Variants in KCNIP4 observed in about 807,000 individuals in gnomAD.
The protein encoded by KCNIP4 is Kv channel-interacting protein 4.
Under a neutral mutation model 34.0 loss-of-function variants are expected in KCNIP4, and 12 were observed. The ratio of observed to expected loss-of-function variants is 0.35; its 90% CI spans 0.23 to 0.57. The LOEUF (loss-of-function observed/expected upper bound fraction) is 0.57, where lower values mean the gene tolerates loss of function less well. KCNIP4 is among the 20% of genes least tolerant of loss of function. The probability of loss-of-function intolerance (pLI) is 0.83; values close to 1 mark genes in which losing one functional copy is unlikely to be tolerated. For synonymous variants in KCNIP4, 124 were observed against 102.2 expected, an observed-to-expected ratio of 1.21 and a Z score of -1.29; for missense variants, 238 against 311.7, an observed-to-expected ratio of 0.76 and a Z score of 1.78.
At chr4:20,767,722 A>G (rs564403238) in intron 3 of KCNIP4, among the ~76,000 whole-genome samples, 44 of 152,264 alleles carry the variant, frequency 2.9e-4, no homozygotes, top group African/African-American at 6.5e-4. Flanking sequence ...CCCCTAAATC[A>G]TTCTGTTCTG....
At chr4:20,791,386 TAAATA>T (rs1343222584) in intron 3 of KCNIP4, among the ~76,000 whole-genome samples, 1 of 152,130 alleles carries the variant, frequency 6.6e-6, no homozygotes, top group Non-Finnish European at 1.5e-5. Flanking sequence ...ATCACATGAG[TAAATA>T]AAATATTTGT....
At chr4:20,916,937 T>G in intron 1 of KCNIP4, among the ~76,000 whole-genome samples, 1 of 142,922 alleles carries the variant, frequency 7.0e-6, no homozygotes, top group East Asian at 2.1e-4. Flanking sequence ...TCCTTTCCCT[T>G]TCATATTTTT....
intron 1 of KCNIP4, among the ~76,000 whole-genome samples, chr4:21,802,652 A>G (rs1344946720): frequency 6.6e-6 from 1 of 152,210 alleles, no homozygotes; most frequent in Non-Finnish European, 1.5e-5. Flanking sequence ...TTCAGCTTCT[A>G]GCAACAGACA....
At chr4:21,070,261 T>A (rs530879132) in intron 1 of KCNIP4, among the ~76,000 whole-genome samples, 2 of 152,256 alleles carry the variant, frequency 1.3e-5, no homozygotes, top group East Asian at 3.9e-4. Flanking sequence ...TTTGGTCTTG[T>A]TTTTGGCGAT....
intron 1 of KCNIP4, among the ~76,000 whole-genome samples, chr4:21,786,002 G>A (rs1350695808): frequency 2.0e-5 from 3 of 152,188 alleles, no homozygotes; most frequent in East Asian, 1.9e-4. Flanking sequence ...TGGAATGAGT[G>A]CAGTGGCACT....
intron 1 of KCNIP4, among the ~76,000 whole-genome samples, chr4:21,083,257 C>G (rs1028176215): frequency 6.6e-6 from 1 of 151,774 alleles, no homozygotes; most frequent in Non-Finnish European, 1.5e-5. Flanking sequence ...CTCCCTCTCT[C>G]TCTTCCTCTC....
chr4:20,827,110 T>C (rs938788070), intron 3 of KCNIP4, among the ~76,000 whole-genome samples: 2 of 152,206 alleles, frequency 1.3e-5, no homozygotes, highest in Admixed American at 1.3e-4. Flanking sequence ...CAGGCCTAGC[T>C]TTCTAAGCAT....
At chr4:21,389,759 C>T (rs550062987) in intron 1 of KCNIP4, among the ~76,000 whole-genome samples, 2 of 152,142 alleles carry the variant, frequency 1.3e-5, no homozygotes, top group South Asian at 4.2e-4. Flanking sequence ...CCACAATAAA[C>T]ATACGTGTGC....
chr4:21,778,723 G>A (rs112289233), intron 1 of KCNIP4, among the ~76,000 whole-genome samples: 1 of 152,104 alleles, frequency 6.6e-6, no homozygotes, highest in Non-Finnish European at 1.5e-5. Context: ...GTAAAAATCG[G>A]ATTCTTGGAG....
Position 21,529,351 on chromosome 4 carries a change from G to A in KCNIP4, c.61+419220C>T, listed in dbSNP as rs116072925. ...CTGTGTCCACAGCTCACTCAGTGACGGAACATCAAGTACCAAGGATATGTA... is the reference window on the plus strand; with the variant it reads ...CTGTGTCCACAGCTCACTCAGTGACAGAACATCAAGTACCAAGGATATGTA... On this transcript the variant is annotated intron_variant, in intron 1 of 8. Coordinates refer to ENST00000382152, the MANE Select transcript of KCNIP4 (RefSeq NM_025221.6). Among the ~76,000 whole-genome samples the A allele has an allele frequency of 5.8e-3, 878 of 152,190 alleles. 16 individuals are homozygous for A. The highest frequency in any genetic ancestry group is 0.02 in the African/African-American group (821 of 41,516).
At chr4:21,143,507 C>A (rs1405324516) in intron 1 of KCNIP4, among the ~76,000 whole-genome samples, 1 of 152,062 alleles carries the variant, frequency 6.6e-6, no homozygotes, top group Non-Finnish European at 1.5e-5. Flanking sequence ...CCCAGCCCAG[C>A]AACACCTTGA....
intron 1 of KCNIP4, among the ~76,000 whole-genome samples, chr4:21,598,125 C>T (rs1284262061): frequency 6.6e-6 from 1 of 152,046 alleles, no homozygotes; most frequent in African/African-American, 2.4e-5. Flanking sequence ...AAGGAGAGAA[C>T]ACGGAAGAAT....
chr4:21,281,830 A>G (rs987644159), intron 1 of KCNIP4, among the ~76,000 whole-genome samples: 3 of 152,226 alleles, frequency 2.0e-5, no homozygotes, highest in Non-Finnish European at 4.4e-5. Context: ...GCACCTAATG[A>G]GATGGAGATG....
intron 1 of KCNIP4, among the ~76,000 whole-genome samples, chr4:21,709,156 G>A (rs1471958823): frequency 1.3e-5 from 2 of 152,090 alleles, no homozygotes; most frequent in African/African-American, 4.8e-5. Context: ...TGAGTCTGGG[G>A]TAACTAAGTG....
At chr4:21,022,525 C>G (rs556607162) in intron 1 of KCNIP4, among the ~76,000 whole-genome samples, 146 of 152,304 alleles carry the variant, frequency 9.6e-4, no homozygotes, top group African/African-American at 3.4e-3. Flanking sequence ...AAGGTGGTGC[C>G]TTTGCACTGA....
At chr4:21,192,423 C>A (rs1577863089) in intron 1 of KCNIP4, among the ~76,000 whole-genome samples, 1 of 152,168 alleles carries the variant, frequency 6.6e-6, no homozygotes, top group African/African-American at 2.4e-5. Flanking sequence ...CAAAATCTTA[C>A]ATGCTTTATG....
At chr4:21,559,299 T>G (rs1739325744) in intron 1 of KCNIP4, among the ~76,000 whole-genome samples, 1 of 152,162 alleles carries the variant, frequency 6.6e-6, no homozygotes, top group Non-Finnish European at 1.5e-5. Flanking sequence ...ATCCAAGTCT[T>G]ACAATTTGAA....
chr4:20,764,672 T>C (rs1467114917), intron 3 of KCNIP4, among the ~76,000 whole-genome samples: 1 of 108,156 alleles, frequency 9.2e-6, no homozygotes, highest in East Asian at 3.0e-4. Context: ...TAGAATCACA[T>C]GGGAATTGGA....
chr4:21,536,902 C>T (rs1737222037), intron 1 of KCNIP4, among the ~76,000 whole-genome samples: 1 of 152,126 alleles, frequency 6.6e-6, no homozygotes, highest in Admixed American at 6.5e-5. Context: ...AGCATTGGAT[C>T]TTGAGCCCTG....
Sources: allele counts gnomAD v4.1 joint callset (sites outside exome capture counted in the v4.1 genomes callset), GRCh38; gene constraint gnomAD v4.1.1; transcripts MANE v1.5; gene names NCBI Gene and HGNC (gene_info 2026-07-23, HGNC 2026-07-21).